Variants in IQCM observed in about 807,000 individuals in gnomAD.
IQCM encodes the protein IQ domain-containing protein M.
IQCM carries 45 observed loss-of-function variants against 57.6 expected under a neutral mutation model. The ratio of observed to expected loss-of-function variants is 0.78; its 90% CI spans 0.62 to 1.00. IQCM has a LOEUF of 1.00. IQCM is among the 50% of genes least tolerant of loss of function. The pLI is 0.00. For missense variants in IQCM, 468 were observed against 511.6 expected (o/e 0.91, Z 0.82); for synonymous variants, 148 against 158.9 (o/e 0.93, Z 0.51).
At chr4:149,757,394 A>G (rs1322334568) in intron 2 of IQCM, among the ~76,000 whole-genome samples, 1 of 152,130 alleles carries the variant, frequency 6.6e-6, no homozygotes, top group Non-Finnish European at 1.5e-5. Context: ...TCACATATCA[A>G]TAGAGATTAT....
intron 7 of IQCM, among the ~76,000 whole-genome samples, chr4:149,627,275 T>C (rs1579760047): frequency 6.6e-6 from 1 of 152,132 alleles, no homozygotes; most frequent in Non-Finnish European, 1.5e-5. Context: ...GAGACAGGTG[T>C]CTGCAAGTTA....
intron 2 of IQCM, among the ~76,000 whole-genome samples, chr4:149,743,751 G>A (rs1169603734): frequency 6.6e-6 from 1 of 152,114 alleles, no homozygotes; most frequent in Admixed American, 6.6e-5. Context: ...GCTGATTAAT[G>A]GGTTCATTAG....
At chr4:149,793,461 TTCCTAAGAATACAA>T (rs1448560853) in intron 2 of IQCM, among the ~76,000 whole-genome samples, 34 of 152,186 alleles carry the variant, frequency 2.2e-4, no homozygotes, top group Admixed American at 1.2e-3. Context: ...CCTTTCCTGC[TTCCTAAGAATACAA>T]TCAAGCAAAG....
chr4:149,408,890 T>C lies in IQCM; in HGVS notation c.1390+24506A>G, dbSNP rs184426820. Among the ~76,000 whole-genome samples, 199 of 152,248 alleles carry C rather than the reference T, an allele frequency of 1.3e-3. 1 individual carries two copies. The highest frequency in any genetic ancestry group is 3.7e-4 in the Non-Finnish European group (25 of 68,000). On this transcript the variant is annotated intron_variant, in intron 13 of 13. Coordinates refer to ENST00000636793, the MANE Select transcript of IQCM (RefSeq NM_001363507.2). The stretch of plus-strand genomic sequence containing the variant: ...GAAAAGGCAGGGAGGTCTAGACGTG[T>C]TTTTTTATGTCATTCAAGAAAAACC...
intron 5 of IQCM, among the ~76,000 whole-genome samples, chr4:149,713,669 C>G (rs1764748716): frequency 6.6e-6 from 1 of 152,200 alleles, no homozygotes; most frequent in African/African-American, 2.4e-5. Flanking sequence ...AAGAGAACTT[C>G]TAAAGCCTGT....
At chr4:149,633,054 G>A (rs912207438) in intron 7 of IQCM, among the ~76,000 whole-genome samples, 3 of 150,110 alleles carry the variant, frequency 2.0e-5, no homozygotes, top group African/African-American at 4.9e-5. Context: ...CCAGCTACTC[G>A]GGAGGCTGAG....
chr4:149,810,222 C>T lies in IQCM; in HGVS notation c.-49+5089G>A, dbSNP rs530017368. Among the ~76,000 whole-genome samples the T allele has an allele frequency of 5.9e-5, 9 of 151,760 alleles. 1 individual carries two copies. Among genetic ancestry groups the T allele is most frequent in the African/African-American group, 2.2e-4 (9 of 41,430 alleles). ...CAACATGATGAAACCCATCATGGGG[C>T]ACAGTGGCACATGCCTGTAATTCCA... On this transcript the variant is annotated intron_variant, in intron 2 of 13. Transcript: ENST00000636793.
chr4:149,420,800 T>C (rs1579001759), intron 13 of IQCM, among the ~76,000 whole-genome samples: 1 of 152,022 alleles, frequency 6.6e-6, no homozygotes, highest in Non-Finnish European at 1.5e-5. Flanking sequence ...AATTTTGACT[T>C]CCAATGATAA....
At chr4:149,374,409 G>C (rs1730570488) in intron 13 of IQCM, among the ~76,000 whole-genome samples, 1 of 152,002 alleles carries the variant, frequency 6.6e-6, no homozygotes, top group South Asian at 2.1e-4. Flanking sequence ...ACACTGTGTT[G>C]CTGATTTATT....
intron 12 of IQCM, among the ~76,000 whole-genome samples, chr4:149,525,186 G>A (rs910693530): frequency 6.6e-6 from 1 of 151,782 alleles, no homozygotes; most frequent in Non-Finnish European, 1.5e-5. Context: ...AAAATTTGAA[G>A]TTATCGAAAT....
At chr4:149,469,934 G>C (rs922191409) in intron 12 of IQCM, among the ~76,000 whole-genome samples, 1 of 152,150 alleles carries the variant, frequency 6.6e-6, no homozygotes, top group Admixed American at 6.5e-5. Context: ...GAGAGATTTT[G>C]TCACCACCAG....
chr4:149,354,728 A>G (rs34865070), intron 13 of IQCM, among the ~76,000 whole-genome samples: 15,270 of 152,132 alleles, frequency 0.1, 1,283 homozygotes, highest in African/African-American at 0.23. Flanking sequence ...TTGGTATTCA[A>G]TCTTAGTTTC....
chr4:149,707,010 G>T lies in IQCM; in HGVS notation c.386-20542C>A, dbSNP rs114936460. Among the ~76,000 whole-genome samples the T allele has an allele frequency of 8.6e-3, 1,314 of 152,134 alleles. 24 individuals carry two copies. The highest frequency in any genetic ancestry group is 0.029 in the African/African-American group (1,223 of 41,526). ...TTTCCAAGCTAAAGGAAGAAAAGAT[G>T]TAGGAACACAGTAGACTGACAGAAT... On this transcript the variant is annotated intron_variant, in intron 5 of 13. Transcript: ENST00000636793.
At chr4:149,795,024 T>C (rs750810465) in intron 2 of IQCM, among the ~76,000 whole-genome samples, 23 of 152,160 alleles carry the variant, frequency 1.5e-4, no homozygotes, top group Middle Eastern at 3.4e-3. Flanking sequence ...TGGTTGAAAA[T>C]ATGGGGTATT....
chr4:149,365,855 AT>A, intron 13 of IQCM, among the ~76,000 whole-genome samples: 1 of 152,310 alleles, frequency 6.6e-6, no homozygotes, highest in South Asian at 2.1e-4. Context: ...GATGAGCCTA[AT>A]AAGACATGAC....
chr4:149,799,598 GA>G (rs955162352), intron 2 of IQCM, among the ~76,000 whole-genome samples: 5 of 151,348 alleles, frequency 3.3e-5, no homozygotes, highest in African/African-American at 1.2e-4. Context: ...GCTAGACTAA[GA>G]AAAAAAGAAA....
chr4:149,546,375 G>C lies in IQCM; in HGVS notation c.1228+2080C>G, dbSNP rs1016566470. ...GGGTCAAATGGTATTTCTAGTTCTAGATCCCTGAGGAATCGCCACACTGTC... is the reference window on the plus strand; with the variant it reads ...GGGTCAAATGGTATTTCTAGTTCTACATCCCTGAGGAATCGCCACACTGTC... On this transcript the variant is annotated intron_variant, in intron 12 of 13. Coordinates refer to ENST00000636793, the MANE Select transcript of IQCM (RefSeq NM_001363507.2). Among the ~76,000 whole-genome samples, 4 of 152,138 alleles carry C rather than the reference G, an allele frequency of 2.6e-5. No homozygotes were observed. In the East Asian group the frequency reaches 5.8e-4, roughly 22 times the overall value.
intron 2 of IQCM, among the ~76,000 whole-genome samples, chr4:149,774,891 A>T (rs1462000202): frequency 2.0e-5 from 3 of 152,076 alleles, no homozygotes. Context: ...TTTTTAATTT[A>T]GCAAGTTAAG....
chr4:149,369,029 T>C (rs1265198433), intron 13 of IQCM, among the ~76,000 whole-genome samples: 2 of 77,708 alleles, frequency 2.6e-5, no homozygotes, highest in Non-Finnish European at 2.6e-5. Context: ...TATATATATA[T>C]ACATGTGTAT....
Sources: gnomAD v4.1 joint callset for allele counts (sites outside exome capture counted in the v4.1 genomes callset) on GRCh38, gnomAD v4.1.1 for gene constraint, MANE v1.5 for transcripts, NCBI Gene and HGNC (gene_info 2026-07-23, HGNC 2026-07-21) for gene names.